CDH18: variants seen among roughly 807,000 people sequenced by gnomAD.
The protein encoded by CDH18 is cadherin 18, also known as cadherin-18.
CDH18 carries 31 observed loss-of-function variants against 67.9 expected under a neutral mutation model. That is an observed-to-expected ratio of 0.46 (90% CI 0.34 to 0.62). The LOEUF is 0.62. CDH18 is among the 20% of genes least tolerant of loss of function. The probability of loss-of-function intolerance (pLI) is 0.01; values close to 1 mark genes in which losing one functional copy is unlikely to be tolerated. For synonymous variants in CDH18, 362 were observed against 347.2 expected (o/e 1.04, Z -0.48); for missense variants, 890 against 975.5 (o/e 0.91, Z 1.17).
chr5:19,872,500 C>T (rs189183200), intron 2 of CDH18, among the ~76,000 whole-genome samples: 176 of 152,302 alleles, frequency 1.2e-3, no homozygotes, highest in Admixed American at 2.0e-3. Flanking sequence ...AAGGATTGGG[C>T]CCTCCATGAG....
In CDH18 at chr5:19,591,135, G is replaced by A. The variant is rs777483732; in HGVS notation, c.921C>T (p.Ile307=). The part of the protein sequence containing the change: ...TGSNADMTYS[I]INGDGMGIFS... ...ATATTCCCATGCCATCACCATTTAT[G>A]ATGGAGTAGGTCATGTCAGCATTTG... The change falls in exon 7 of 13, where the codon ATC becomes ATT. Residue 307 remains isoleucine (I), a synonymous_variant. Transcript: ENST00000382275. 4.3e-5 allele frequency: 70 copies of A among 1,611,752 alleles called. No homozygotes were observed. Among genetic ancestry groups the A allele is most frequent in the Non-Finnish European group, 5.2e-5 (61 of 1,178,448 alleles).
At chr5:19,508,544 A>G (rs1744597401) in intron 10 of CDH18, among the ~76,000 whole-genome samples, 1 of 151,530 alleles carries the variant, frequency 6.6e-6, no homozygotes, top group African/African-American at 2.4e-5. Flanking sequence ...GATATTACAA[A>G]TTTAGTCTAC....
At chr5:20,205,143 C>G (rs1247380808) in intron 2 of CDH18, among the ~76,000 whole-genome samples, 1 of 151,824 alleles carries the variant, frequency 6.6e-6, no homozygotes, top group Non-Finnish European at 1.5e-5. Context: ...CAAGAACCCA[C>G]TTAACCTATA....
At chr5:20,129,201 T>G (rs986494523) in intron 2 of CDH18, among the ~76,000 whole-genome samples, 2 of 151,722 alleles carry the variant, frequency 1.3e-5, no homozygotes, top group Non-Finnish European at 2.9e-5. Flanking sequence ...AGCTATAGTT[T>G]CAAGAAAAAT....
chr5:19,599,842 G>C (rs567245227), intron 6 of CDH18, among the ~76,000 whole-genome samples: 1 of 152,036 alleles, frequency 6.6e-6, no homozygotes, highest in African/African-American at 2.4e-5. Context: ...AGCCGAGATC[G>C]CACCACTGCA....
intron 3 of CDH18, among the ~76,000 whole-genome samples, chr5:19,833,004 T>C (rs1393511735): frequency 6.6e-6 from 1 of 151,358 alleles, no homozygotes; most frequent in Admixed American, 6.6e-5. Context: ...CTTGGCTATA[T>C]GGGGTCTTCT....
At chr5:19,630,472 T>TGG (rs1383419520) in intron 5 of CDH18, among the ~76,000 whole-genome samples, 7 of 151,784 alleles carry the variant, frequency 4.6e-5, no homozygotes, top group African/African-American at 1.7e-4. Flanking sequence ...AAGGATCCAT[T>TGG]GGGGTGTGTG....
intron 4 of CDH18, among the ~76,000 whole-genome samples, chr5:19,731,078 C>A (rs867777514): frequency 6.6e-6 from 1 of 152,110 alleles, no homozygotes; most frequent in Non-Finnish European, 1.5e-5. Context: ...TATTCTGTTA[C>A]AAATGCACAC....
At chr5:19,551,183 G>T (rs1631077) in intron 8 of CDH18, among the ~76,000 whole-genome samples, 15,084 of 152,044 alleles carry the variant, frequency 0.099, 1,043 homozygotes, top group African/African-American at 0.19. Flanking sequence ...GAAGAATTAG[G>T]GTGAGGGATG....
intron 6 of CDH18, among the ~76,000 whole-genome samples, chr5:19,593,734 T>TCTTGTC (rs1745687512): frequency 7.2e-6 from 1 of 139,170 alleles, no homozygotes; most frequent in Admixed American, 7.2e-5. Context: ...TTCTTCTTCT[T>TCTTGTC]CTTCTTCTTC....
At chr5:19,908,990 G>A (rs1342949328) in intron 2 of CDH18, among the ~76,000 whole-genome samples, 3 of 152,096 alleles carry the variant, frequency 2.0e-5, no homozygotes, top group Admixed American at 2.0e-4. Flanking sequence ...CCAGCCACAG[G>A]ACCAGCCATA....
At chr5:20,294,456 G>A (rs760407101) in intron 1 of CDH18, among the ~76,000 whole-genome samples, 1 of 152,154 alleles carries the variant, frequency 6.6e-6, no homozygotes, top group Non-Finnish European at 1.5e-5. Flanking sequence ...AAGGAGAGCT[G>A]GTAAGATGGG....
At chr5:20,201,301 C>T (rs763545725) in intron 2 of CDH18, among the ~76,000 whole-genome samples, 1 of 152,052 alleles carries the variant, frequency 6.6e-6, no homozygotes, top group Non-Finnish European at 1.5e-5. Flanking sequence ...GATCTGAAAA[C>T]ATTCTGATAA....
intron 2 of CDH18, among the ~76,000 whole-genome samples, chr5:20,224,328 C>T (rs1293860522): frequency 6.6e-6 from 1 of 152,046 alleles, no homozygotes. Flanking sequence ...TAGAGCAGCT[C>T]ATATGAATCT....
At chr5:20,040,601 G>A (rs909214459) in intron 2 of CDH18, among the ~76,000 whole-genome samples, 18 of 152,072 alleles carry the variant, frequency 1.2e-4, no homozygotes, top group East Asian at 9.6e-4. Context: ...TCCTGGGAGC[G>A]ATTCTCTTTC....
At position 19,612,485 on chromosome 5, in the gene CDH18, C is replaced by G; in HGVS notation, c.760G>C (p.Val254Leu). ...TTGACATCGGTTAAGGTGATGTTGA[C>G]TGTTGTAGATCCTGAAAGCCCTCCA... The part of the protein sequence containing the change: ...QVGGLSGSTT[V>L]NITLTDVNDN... Residue 254 changes from valine (V) to leucine (L), a missense_variant, in exon 6 of 13, where the codon GTC (valine) becomes CTC (leucine). Physicochemically the swap from Val to Leu is conservative, Grantham distance 32. Coordinates refer to ENST00000382275, the MANE Select transcript of CDH18 (RefSeq NM_004934.5). 1 of 1,614,126 alleles carries G rather than the reference C, an allele frequency of 6.2e-7. No homozygotes were observed. The highest frequency in any genetic ancestry group is 8.5e-7 in the Non-Finnish European group (1 of 1,180,002).
intron 9 of CDH18, among the ~76,000 whole-genome samples, chr5:19,523,874 T>C (rs919175525): frequency 6.6e-6 from 1 of 152,116 alleles, no homozygotes; most frequent in Non-Finnish European, 1.5e-5. Context: ...AACTCCTGAA[T>C]GGATACAAAA....
At chr5:20,515,965 C>T (rs1450864400) in intron 1 of CDH18, among the ~76,000 whole-genome samples, 1 of 151,908 alleles carries the variant, frequency 6.6e-6, no homozygotes, top group Non-Finnish European at 1.5e-5. Context: ...TGATAGTCAC[C>T]GGGTGACTTT....
intron 3 of CDH18, among the ~76,000 whole-genome samples, chr5:19,797,165 C>T (rs114994060): frequency 0.023 from 3,502 of 151,924 alleles, 89 homozygotes; most frequent in African/African-American, 0.069. Context: ...TTCAATGACA[C>T]AGGTAGATTT....
Sources: allele counts gnomAD v4.1 joint callset (sites outside exome capture counted in the v4.1 genomes callset), GRCh38; gene constraint gnomAD v4.1.1; transcripts MANE v1.5; gene names NCBI Gene and HGNC (gene_info 2026-07-23, HGNC 2026-07-21).